The following DZANK1 variants were observed in gnomAD, a reference collection of about 807,000 sequenced individuals.
DZANK1 encodes double zinc ribbon and ankyrin repeat domains 1.
Under a neutral mutation model 94.5 loss-of-function variants are expected in DZANK1, and 91 were observed. The observed-to-expected ratio is 0.96, with a 90% confidence interval of 0.81 to 1.15. The LOEUF is 1.15. Among genes scored for constraint, DZANK1 ranks in the 50% most tolerant of loss-of-function variants. The pLI, the probability that DZANK1 is intolerant of heterozygous loss-of-function variation, is 0.00. For missense variants in DZANK1, 903 were observed against 916.4 expected, an observed-to-expected ratio of 0.99 and a Z score of 0.19; for synonymous variants, 312 against 325.3, an observed-to-expected ratio of 0.96 and a Z score of 0.44.
rs7261411 is a variant in DZANK1 at position 18,440,600 on chromosome 20, G to T, written c.747+2747C>A. Among the ~76,000 whole-genome samples the T allele has an allele frequency of 5.0e-3, 758 of 152,240 alleles. 6 individuals carry two copies. Among genetic ancestry groups the T allele is most frequent in the South Asian group, 0.044 (213 of 4,816 alleles). On this transcript the variant is annotated intron_variant, in intron 8 of 20. Transcript: ENST00000262547. ...TTGGGTCCCTAGAATGCAACAGGTG[G>T]TTGTGATGGGTTTAAACCACCCACA...
intron 2 of DZANK1, 23 bp from the exon 3 acceptor site, chr20:18,460,329 A>G (rs1245823192): frequency 6.8e-7 from 1 of 1,481,376 alleles, no homozygotes; most frequent in Non-Finnish European, 9.1e-7. Context: ...AAACAGGATA[A>G]CTATAATTAA....
chr20:18,384,670 C>T (rs13041097), intron 20 of DZANK1, 106 bp from the exon 21 acceptor site: 14,947 of 1,229,328 alleles, frequency 0.012, 171 homozygotes, highest in South Asian at 0.042. Flanking sequence ...CCCTCCTGGT[C>T]CCACCTCCCC....
chr20:18,447,126 A>C (rs750708434), intron 7 of DZANK1, among the ~76,000 whole-genome samples: 1 of 152,210 alleles, frequency 6.6e-6, no homozygotes, highest in Non-Finnish European at 1.5e-5. Flanking sequence ...ACAAAATCCA[A>C]CATCTATTCC....
Position 18,421,070 on chromosome 20 carries a change from T to C in DZANK1, c.955-5621A>G, listed in dbSNP as rs139831966. On this transcript the variant is annotated intron_variant, in intron 10 of 20. Coordinates refer to ENST00000262547, the Ensembl canonical transcript of DZANK1. ...GTTTCAGTTTTATAATGAACCAGTA[T>C]AGAATATGCTATTGGAAACCTCACC... 7.5e-3 allele frequency: 1,215 copies of C among 162,746 alleles called. 15 individuals carry two copies. The highest frequency in any genetic ancestry group is 0.027 in the African/African-American group (1,132 of 41,772). 10.1% of individuals were successfully genotyped at this position (162,746 alleles called of 1,614,324 possible).
chr20:18,401,244 A>G (rs2056662951), intron 13 of DZANK1, among the ~76,000 whole-genome samples: 1 of 152,100 alleles, frequency 6.6e-6, no homozygotes, highest in African/African-American at 2.4e-5. Flanking sequence ...GCCTAGATGT[A>G]TATTTCTAAA....
chr20:18,436,555 C>A (rs2058533915), intron 8 of DZANK1, among the ~76,000 whole-genome samples: 1 of 150,820 alleles, frequency 6.6e-6, no homozygotes, highest in Non-Finnish European at 1.5e-5. Context: ...ATCTGAAGAA[C>A]AGAGAAAAAA....
intron 17 of DZANK1, among the ~76,000 whole-genome samples, chr20:18,393,314 C>T (rs1043596634): frequency 1.3e-5 from 2 of 152,182 alleles, no homozygotes; most frequent in Non-Finnish European, 2.9e-5. Context: ...CGTCTGTCCA[C>T]GACATGCCTG....
In DZANK1 at chr20:18,441,446, AT is replaced by A. The variant is rs1345726672; in HGVS notation, c.747+1900del. 6.6e-6 allele frequency among the ~76,000 whole-genome samples: 1 copy of A among 152,240 alleles called. No individual in the cohort carries two copies. The highest frequency in any genetic ancestry group is 2.4e-5 in the African/African-American group (1 of 41,462). The stretch of plus-strand genomic sequence containing the variant: ...ATTTGAACAGGAAAAGTTCATATAA[AT>A]AGTTATTAACTGGTATCCAGGGATT... On this transcript the variant is annotated intron_variant, in intron 8 of 20. Coordinates refer to ENST00000262547, the Ensembl canonical transcript of DZANK1. This position sits in a 1 kb window ranked among gnomAD's most constrained non-coding sequence, Gnocchi z 4.1.
intron 8 of DZANK1, among the ~76,000 whole-genome samples, chr20:18,434,418 G>A (rs2058430120): frequency 2.0e-5 from 3 of 151,438 alleles, no homozygotes; most frequent in Middle Eastern, 3.4e-3. Flanking sequence ...AGTGGCGGGC[G>A]CCTATAATCC....
At chr20:18,460,161 A>G in exon 3 of DZANK1, 1 of 1,539,052 alleles carries the variant, frequency 6.5e-7, no homozygotes, top group African/African-American at 1.4e-5. Context: ...ACTTAGAGAC[A>G]GCAATAGCTT....
rs180856896 is a variant in DZANK1 at position 18,456,567 on chromosome 20, G to A, written c.264-1206C>T. On this transcript the variant is annotated intron_variant, in intron 3 of 20. Transcript: ENST00000262547. ...CCCAAAAGAATTCCCTTGTGCCTGT[G>A]TGCAGTCACTCCTATCCAACCTCCT... Among the ~76,000 whole-genome samples the A allele has an allele frequency of 4.6e-5, 7 of 152,320 alleles. No individual in the cohort carries two copies. In the East Asian group the frequency reaches 1.3e-3, roughly 29 times the overall value.
chr20:18,448,343 T>C (rs763120144), intron 7 of DZANK1, among the ~76,000 whole-genome samples: 2 of 152,120 alleles, frequency 1.3e-5, no homozygotes, highest in African/African-American at 2.4e-5. Flanking sequence ...AGTTAAACTA[T>C]AGTGACAAGA....
intron 9 of DZANK1, among the ~76,000 whole-genome samples, chr20:18,430,640 C>T (rs1269702634): frequency 6.6e-6 from 1 of 152,048 alleles, no homozygotes; most frequent in East Asian, 1.9e-4. Flanking sequence ...CAAGGTGAAA[C>T]CCCATCTCTA....
intron 6 of DZANK1, 108 bp downstream of exon 6, chr20:18,452,507 C>T (rs2059138241): frequency 3.1e-6 from 4 of 1,300,044 alleles, no homozygotes; most frequent in African/African-American, 1.5e-5. Flanking sequence ...TAGAACAGTG[C>T]CTGGCACATG....
chr20:18,405,352 T>G (rs2056908943), intron 13 of DZANK1, among the ~76,000 whole-genome samples: 1 of 151,386 alleles, frequency 6.6e-6, no homozygotes, highest in Non-Finnish European at 1.5e-5. Flanking sequence ...AAATGTGAAG[T>G]AGGATAAAAA....
intron 6 of DZANK1, chr20:18,451,943 T>C: frequency 1.9e-6 from 1 of 518,808 alleles, no homozygotes; most frequent in Non-Finnish European, 3.8e-6. Flanking sequence ...CTTTTAAATG[T>C]AAATGGGACT....
rs553188919 is a variant in DZANK1 at position 18,439,947 on chromosome 20, T to C, written c.747+3400A>G. 4.6e-5 allele frequency among the ~76,000 whole-genome samples: 7 copies of C among 152,242 alleles called. 1 individual carries two copies. The South Asian group carries it at 1.2e-3, about 27-fold the overall frequency. On this transcript the variant is annotated intron_variant, in intron 8 of 20. Coordinates refer to ENST00000262547, the Ensembl canonical transcript of DZANK1. Reference sequence around the variant, plus strand: ...CCCCCAATGTGATTGTATTTGGAGATAGGTCCTTTAAGGAGGTAATTAAGG... The same window carrying C: ...CCCCCAATGTGATTGTATTTGGAGACAGGTCCTTTAAGGAGGTAATTAAGG...
intron 10 of DZANK1, among the ~76,000 whole-genome samples, chr20:18,425,151 A>G (rs553563309): frequency 1.1e-4 from 17 of 152,226 alleles, no homozygotes; most frequent in Non-Finnish European, 2.1e-4. Context: ...TGTACAATTA[A>G]AATAGGTGAA....
At chr20:18,452,049 C>T in intron 6 of DZANK1, 1 of 394,014 alleles carries the variant, frequency 2.5e-6, no homozygotes, top group Admixed American at 3.5e-5. Context: ...CCATACCTGA[C>T]CGTTAGAATC....
Sources: allele counts gnomAD v4.1 joint callset (sites outside exome capture counted in the v4.1 genomes callset), GRCh38; gene constraint gnomAD v4.1.1; non-coding constraint Gnocchi (gnomAD v3.1); transcripts MANE v1.5; gene names NCBI Gene and HGNC (gene_info 2026-07-23, HGNC 2026-07-21).